Variants in NAP1L1 observed in about 807,000 individuals in gnomAD.
NAP1L1 encodes the protein nucleosome assembly protein 1 like 1, also known as nucleosome assembly protein 1-like 1.
In NAP1L1, 9 loss-of-function variants were observed where a neutral mutation model predicts 58.9. The ratio of observed to expected loss-of-function variants is 0.15; its 90% CI spans 0.09 to 0.27. NAP1L1 has a LOEUF of 0.27. NAP1L1 is among the 10% of genes least tolerant of loss of function. NAP1L1 has a pLI of 1.00. For missense variants in NAP1L1, 302 were observed against 458.8 expected (o/e 0.66, Z 3.12); for synonymous variants, 130 against 138.3 (o/e 0.94, Z 0.42).
intron 1 of NAP1L1, 146 bp downstream of exon 1, chr12:76,084,421 C>T (rs1429010511): frequency 2.0e-5 from 3 of 152,300 alleles, no homozygotes; most frequent in Admixed American, 2.0e-4. Flanking sequence ...TCCTGTCCGA[C>T]CTCACAGGAC....
intron 1 of NAP1L1, chr12:76,083,888 G>A (rs1950504517): frequency 6.6e-6 from 1 of 152,214 alleles, no homozygotes; most frequent in South Asian, 2.1e-4. Flanking sequence ...ACAGACCGAG[G>A]GCAAGGGTCT....
Position 76,043,985 on chromosome 12 carries a change from T to G in NAP1L1, c.*4444A>C, listed in dbSNP as rs541219392. 5 of 152,280 alleles carry G rather than the reference T, an allele frequency of 3.3e-5. No individual in the cohort carries two copies. In the East Asian group the frequency reaches 9.7e-4, roughly 29 times the overall value. The allele number at this position is 152,280 out of a possible 1,614,324, so 9.4% of individuals were successfully genotyped here. A position where few individuals can be genotyped will look rare whatever the true frequency, so the allele number is the denominator to read the frequency against. ...AGTTCCTTCTTTTTGGCTTTAAGTT[T>G]AAAACATGTAAGAAACTGGCTGGGC... On this transcript the variant is annotated 3_prime_UTR_variant, in exon 15 of 15. Coordinates refer to ENST00000618691, the MANE Select transcript of NAP1L1 (RefSeq NM_004537.7).
chr12:76,069,039 C>A, intron 2 of NAP1L1, 45 bp from the exon 3 acceptor site: 2 of 1,357,472 alleles, frequency 1.5e-6, no homozygotes, highest in Non-Finnish European at 2.0e-6. Flanking sequence ...GTACCAATTA[C>A]CAAAAAAAGT....
In NAP1L1 at chr12:76,050,533, C is replaced by A. The variant is rs144982900; in HGVS notation, c.1057G>T (p.Asp353Tyr). 7 of 1,604,632 alleles carry A rather than the reference C, an allele frequency of 4.4e-6. No individual in the cohort carries two copies. Among genetic ancestry groups the A allele is most frequent in the Non-Finnish European group, 5.9e-6 (7 of 1,177,434 alleles). Residue 353 changes from aspartate (D) to tyrosine (Y), a missense_variant and splice_region_variant, in exon 12 of 15, where the codon GAT becomes TAT. Physicochemically the swap from Asp to Tyr is radical, Grantham distance 160. Transcript: ENST00000618691. ...TGEAIEDDDDDYDEEGEEADE... is the reference protein window; with the variant it reads ...TGEAIEDDDDYYDEEGEEADE... ...TTGCAGGATTCAAATTCGCTTACAT[C>A]ATCATCATCATCTTCAATAGCTTCT...
chr12:76,058,109 T>C (rs916512548), intron 6 of NAP1L1: 2 of 738,434 alleles, frequency 2.7e-6, no homozygotes, highest in South Asian at 1.4e-5. Context: ...GCATCGAAGA[T>C]CTTGGAGAAG....
In NAP1L1 at chr12:76,047,108, G is replaced by A. The variant is rs1159880378; in HGVS notation, c.*1321C>T. On this transcript the variant is annotated 3_prime_UTR_variant, in exon 15 of 15. Transcript: ENST00000618691. ...CAGTTTAGTTATCAAAGCGTGGTGT[G>A]AACAAAATGCTTAGTGTCACACTGG... is the stretch of plus-strand genomic sequence containing the variant. 6.6e-6 allele frequency: 1 copy of A among 152,426 alleles called. No individual in the cohort carries two copies. The highest frequency in any genetic ancestry group is 2.4e-5 in the African/African-American group (1 of 41,432). The allele number at this position is 152,426 out of a possible 1,614,324, so 9.4% of individuals were successfully genotyped here.
intron 4 of NAP1L1, among the ~76,000 whole-genome samples, chr12:76,066,463 T>G (rs1338835151): frequency 6.6e-6 from 1 of 151,994 alleles, no homozygotes; most frequent in Non-Finnish European, 1.5e-5. Flanking sequence ...CAAAGACTTT[T>G]GCAAAGCATT....
rs1211567960 is a variant in NAP1L1, at chr12:76,056,118, T to A, written c.473A>T (p.Asp158Val). Residue 158 changes from aspartate (D) to valine (V), a missense_variant, in exon 7 of 15, where the codon GAT (aspartate) becomes GTT (valine). By Grantham distance (152) the Asp-to-Val change is radical. Transcript: ENST00000618691. The stretch of plus-strand genomic sequence containing the variant: ...TCCTTTGGGGTCTTCTTTTTCTTCA[T>A]CTTTTTTCTCATCTTCAATCTTGGC... ...EKAKIEDEKKDEEKEDPKGIP... is the reference protein window; with the variant it reads ...EKAKIEDEKKVEEKEDPKGIP... 18 of 1,612,932 alleles carry A rather than the reference T, an allele frequency of 1.1e-5. No individual in the cohort carries two copies. Among genetic ancestry groups the A allele is most frequent in the East Asian group, 2.2e-5 (1 of 44,776 alleles).
Position 76,038,682 on chromosome 12 carries a change from C to G in NAP1L1, c.*9747G>C, listed in dbSNP as rs2136931218. 1.3e-5 allele frequency: 2 copies of G among 152,204 alleles called. No individual in the cohort carries two copies. The highest frequency in any genetic ancestry group is 4.2e-4 in the South Asian group (2 of 4,814). 9.4% of individuals were successfully genotyped at this position (152,204 alleles called of 1,614,324 possible). A position where few individuals can be genotyped will look rare whatever the true frequency, so the allele number is the denominator to read the frequency against. ...AAGAATTCTGTGGGGTAGCCAGACTCAGAAAGGTGGAATAACACTTTTACA... is the reference window on the plus strand; with the variant it reads ...AAGAATTCTGTGGGGTAGCCAGACTGAGAAAGGTGGAATAACACTTTTACA... On this transcript the variant is annotated 3_prime_UTR_variant, in exon 15 of 15. Coordinates refer to ENST00000618691, the MANE Select transcript of NAP1L1 (RefSeq NM_004537.7).
intron 7 of NAP1L1, 79 bp downstream of exon 7, chr12:76,055,954 A>G: frequency 7.1e-7 from 1 of 1,415,556 alleles, no homozygotes; most frequent in Non-Finnish European, 9.8e-7. Flanking sequence ...TCAACACTGA[A>G]GAGAACAGTG....
chr12:76,077,177 T>C (rs1950211965), intron 1 of NAP1L1, among the ~76,000 whole-genome samples: 1 of 152,212 alleles, frequency 6.6e-6, no homozygotes, highest in Non-Finnish European at 1.5e-5. Context: ...CATTTACAGT[T>C]TAAATTCTTA....
intron 11 of NAP1L1, 151 bp downstream of exon 11, chr12:76,052,940 G>C: frequency 1.7e-6 from 1 of 603,912 alleles, no homozygotes; most frequent in Non-Finnish European, 2.8e-6. Flanking sequence ...AATTTTGAAT[G>C]GAATTATTTT....
chr12:76,057,668 G>A (rs1949180176), intron 6 of NAP1L1: 1 of 1,459,064 alleles, frequency 6.9e-7, no homozygotes, highest in Non-Finnish European at 9.4e-7. Context: ...ATAGAGTACT[G>A]TGAATATATG....
intron 13 of NAP1L1, 81 bp from the exon 14 acceptor site, chr12:76,049,331 A>G: frequency 6.2e-7 from 1 of 1,606,358 alleles, no homozygotes; most frequent in Non-Finnish European, 8.5e-7. Context: ...AATTTAATAC[A>G]AGTTACTCTA....
chr12:76,052,853 A>G (rs1056625048), intron 11 of NAP1L1, among the ~76,000 whole-genome samples: 4 of 152,226 alleles, frequency 2.6e-5, no homozygotes, highest in African/African-American at 9.6e-5. Flanking sequence ...AATCCCTCAC[A>G]GCAATATGTG....
chr12:76,066,625 A>T (rs1279594800), intron 4 of NAP1L1, among the ~76,000 whole-genome samples: 1 of 152,150 alleles, frequency 6.6e-6, no homozygotes, highest in Non-Finnish European at 1.5e-5. Context: ...AGACTGATTT[A>T]AAAATAAAAA....
chr12:76,072,429 A>C (rs1431826230), intron 2 of NAP1L1, among the ~76,000 whole-genome samples: 2 of 152,084 alleles, frequency 1.3e-5, no homozygotes, highest in African/African-American at 4.8e-5. Context: ...AAAGAGACAG[A>C]GATGGAAAAT....
chr12:76,072,003 A>C (rs1453802095), intron 2 of NAP1L1, among the ~76,000 whole-genome samples: 2 of 151,738 alleles, frequency 1.3e-5, no homozygotes, highest in Non-Finnish European at 2.9e-5. Flanking sequence ...GTTTCTAACA[A>C]ATGCCCACTC....
At position 76,048,074 on chromosome 12, in the gene NAP1L1, T is replaced by C. The variant is rs1287478441; in HGVS notation, c.*355A>G. ...CCTATTCAACAACCAGCTGAAAAAA[T>C]ACTTTGGTTCTTCAAGGAAAAAATT... is the stretch of plus-strand genomic sequence containing the variant. On this transcript the variant is annotated 3_prime_UTR_variant, in exon 15 of 15. Coordinates refer to ENST00000618691, the MANE Select transcript of NAP1L1 (RefSeq NM_004537.7). The C allele has an allele frequency of 4.5e-6, 1 of 223,386 alleles. No homozygotes were observed. The highest frequency in any genetic ancestry group is 2.3e-5 in the African/African-American group (1 of 42,578). The allele number at this position is 223,386 out of a possible 1,614,324, so 13.8% of individuals were successfully genotyped here.
Sources: gnomAD v4.1 joint callset for allele counts (sites outside exome capture counted in the v4.1 genomes callset) on GRCh38, gnomAD v4.1.1 for gene constraint, MANE v1.5 for transcripts, NCBI Gene and HGNC (gene_info 2026-07-23, HGNC 2026-07-21) for gene names.